XRCC5: variants seen among roughly 807,000 people sequenced by gnomAD.
The protein encoded by XRCC5 is X-ray repair cross complementing 5, also known as DNA repair protein Ku80.
In XRCC5, 12 loss-of-function variants were observed where a neutral mutation model predicts 95.7. That is an observed-to-expected ratio of 0.13 (90% CI 0.08 to 0.20). The LOEUF is 0.20. Ranked by LOEUF, XRCC5 falls within the 10% of genes least tolerant of loss-of-function variation. The pLI, the probability that XRCC5 is intolerant of heterozygous loss-of-function variation, is 1.00. For synonymous variants in XRCC5, 281 were observed against 290.3 expected (o/e 0.97, Z 0.33); for missense variants, 595 against 873.9 (o/e 0.68, Z 4.02).
chr2:216,198,457 G>A (rs1314735961), intron 19 of XRCC5, among the ~76,000 whole-genome samples: 1 of 152,154 alleles, frequency 6.6e-6, no homozygotes, highest in Non-Finnish European at 1.5e-5. Flanking sequence ...TTATGCTTTT[G>A]TGTCTGCTTT....
chr2:216,187,404 G>A (rs1312692182), intron 16 of XRCC5, among the ~76,000 whole-genome samples: 1 of 150,534 alleles, frequency 6.6e-6, no homozygotes, highest in Non-Finnish European at 1.5e-5. Flanking sequence ...CGTTGCAAAT[G>A]GATTGTTGGC....
At chr2:216,187,821 A>ACACACACACTCTCT (rs1312215177) in intron 16 of XRCC5, among the ~76,000 whole-genome samples, 3 of 47,950 alleles carry the variant, frequency 6.3e-5, no homozygotes, top group African/African-American at 2.0e-4. Context: ...ACACACACAC[A>ACACACACACTCTCT]CTCTCTCTCT....
At position 216,122,403 on chromosome 2, in the gene XRCC5, C is replaced by A. The variant is rs55871484; in HGVS notation, c.683+150C>A. ...TGAGTTTTATTAAAGAAATAGTACA[C>A]CCACCCTTAATCACCCTTTTTAAAG... On this transcript the variant is annotated intron_variant, in intron 6 of 20. Transcript: ENST00000392132. The A allele has an allele frequency of 6.1e-4, 444 of 724,342 alleles. 2 individuals are homozygous for A. In the African/African-American group the frequency reaches 6.9e-3, roughly 11 times the overall value. The allele number at this position is 724,342 out of a possible 1,614,324, so 44.9% of individuals were successfully genotyped here. A position where few individuals can be genotyped will look rare whatever the true frequency, so the allele number is the denominator to read the frequency against.
At chr2:216,183,600 G>A (rs1689433356) in intron 16 of XRCC5, among the ~76,000 whole-genome samples, 1 of 152,146 alleles carries the variant, frequency 6.6e-6, no homozygotes, top group Admixed American at 6.5e-5. Context: ...TGTGCCACTG[G>A]TCATGCATAA....
At chr2:216,173,080 A>G (rs1419884410) in intron 16 of XRCC5, among the ~76,000 whole-genome samples, 1 of 152,104 alleles carries the variant, frequency 6.6e-6, no homozygotes, top group East Asian at 1.9e-4. Context: ...TATTTATTAT[A>G]TCTTGCAACC....
At position 216,139,177 on chromosome 2, in the gene XRCC5, T is replaced by G. The variant is rs1697135502; in HGVS notation, c.1342+998T>G. ...TTATTTATTTATTTGAGACAGGGTC[T>G]CACTCTGTCACCTGGCTGGAGTGCA... On this transcript the variant is annotated intron_variant, in intron 12 of 20. Coordinates refer to ENST00000392132, the MANE Select transcript of XRCC5 (RefSeq NM_021141.4). 4.6e-5 allele frequency among the ~76,000 whole-genome samples: 7 copies of G among 152,206 alleles called. No individual in the cohort carries two copies. In the South Asian group the frequency reaches 1.5e-3, roughly 32 times the overall value.
At chr2:216,164,272 G>A (rs913161532) in intron 16 of XRCC5, among the ~76,000 whole-genome samples, 1 of 152,314 alleles carries the variant, frequency 6.6e-6, no homozygotes, top group African/African-American at 2.4e-5. Context: ...AAGGTCCCCC[G>A]TTTGGAAGTG....
rs747761578 is a variant in XRCC5 at position 216,131,005 on chromosome 2, CTAAA to C, written c.1050+20_1050+23del. 1.9e-6 allele frequency: 3 copies of C among 1,578,236 alleles called. No homozygotes were observed. The highest frequency in any genetic ancestry group is 1.7e-6 in the Non-Finnish European group (2 of 1,152,066). On this transcript the variant is annotated intron_variant, in intron 9 of 20. Coordinates refer to ENST00000392132, the MANE Select transcript of XRCC5 (RefSeq NM_021141.4). ...CTTCTCAGGTATGATTGTGAACAAA[CTAAA>C]TGAGCTTTTTCCTAGCTGTTATTTG...
chr2:216,184,213 C>T (rs1002629842), intron 16 of XRCC5, among the ~76,000 whole-genome samples: 6 of 152,094 alleles, frequency 3.9e-5, no homozygotes, highest in Admixed American at 6.6e-5. Context: ...ATGGTCCACA[C>T]GGTTGCATGT....
intron 19 of XRCC5, among the ~76,000 whole-genome samples, chr2:216,197,078 C>T (rs1365644810): frequency 6.6e-6 from 1 of 152,204 alleles, no homozygotes; most frequent in Non-Finnish European, 1.5e-5. Flanking sequence ...CAAAGATGTT[C>T]CAGCTAAGTT....
chr2:216,163,212 A>G (rs960082701), intron 16 of XRCC5, among the ~76,000 whole-genome samples: 1 of 150,960 alleles, frequency 6.6e-6, no homozygotes, highest in Non-Finnish European at 1.5e-5. Context: ...ATAGCTCACT[A>G]TAACGTTGGA....
At chr2:216,175,150 T>C (rs1054947952) in intron 16 of XRCC5, 4 of 340,756 alleles carry the variant, frequency 1.2e-5, no homozygotes, top group Non-Finnish European at 2.3e-5. Context: ...GTGGTTTTCA[T>C]ATCCTGGTTC....
intron 12 of XRCC5, 50 bp from the exon 13 acceptor site, chr2:216,141,136 A>G (rs995165703): frequency 6.2e-7 from 1 of 1,606,352 alleles, no homozygotes; most frequent in Non-Finnish European, 8.5e-7. Context: ...CATTTGTTTT[A>G]GTGGAGAATA....
intron 16 of XRCC5, among the ~76,000 whole-genome samples, chr2:216,167,641 G>A (rs1335975474): frequency 6.7e-6 from 1 of 148,424 alleles, no homozygotes; most frequent in Non-Finnish European, 1.5e-5. Flanking sequence ...CCTGATTCAT[G>A]TAATCTTGGG....
Position 216,204,169 on chromosome 2 carries a change from C to T in XRCC5, c.2110-153C>T, listed in dbSNP as rs554372604. On this transcript the variant is annotated intron_variant, in intron 19 of 20. Coordinates refer to ENST00000392132, the MANE Select transcript of XRCC5 (RefSeq NM_021141.4). ...TCTCACCCAAAGCCAAATGAAGTAGCGTATGCCAGGATGATGTTTCTTTTG... is the reference window on the plus strand; with the variant it reads ...TCTCACCCAAAGCCAAATGAAGTAGTGTATGCCAGGATGATGTTTCTTTTG... 1.1e-4 allele frequency: 90 copies of T among 807,184 alleles called. 1 individual carries two copies. Among genetic ancestry groups the T allele is most frequent in the South Asian group, 5.5e-4 (34 of 61,402 alleles). 50.0% of individuals were successfully genotyped at this position (807,184 alleles called of 1,614,324 possible).
chr2:216,115,847 G>A (rs1164530824), intron 2 of XRCC5, among the ~76,000 whole-genome samples: 3 of 151,372 alleles, frequency 2.0e-5, no homozygotes, highest in African/African-American at 7.3e-5. Context: ...TAAACCTGGA[G>A]GCCCTTCCTT....
chr2:216,142,472 C>T (rs994433878), intron 13 of XRCC5, among the ~76,000 whole-genome samples: 6 of 152,034 alleles, frequency 3.9e-5, no homozygotes, highest in African/African-American at 1.4e-4. Context: ...GGGAAGTTGA[C>T]AAGAGAGCTG....
chr2:216,197,448 GAAAAAAA>G (rs369842827), intron 19 of XRCC5, among the ~76,000 whole-genome samples: 3 of 110,332 alleles, frequency 2.7e-5, no homozygotes, highest in South Asian at 6.6e-4. Context: ...TCTGTCCCAG[GAAAAAAA>G]AAAAAAAAAA....
chr2:216,137,000 A>C (rs1016446115), intron 10 of XRCC5, 88 bp from the exon 11 acceptor site: 1 of 1,434,538 alleles, frequency 7.0e-7, no homozygotes, highest in African/African-American at 1.4e-5. Context: ...AAATAGAAAG[A>C]AAGTGATAAC....
Sources: gnomAD v4.1 joint callset for allele counts (sites outside exome capture counted in the v4.1 genomes callset) on GRCh38, gnomAD v4.1.1 for gene constraint, MANE v1.5 for transcripts, NCBI Gene and HGNC (gene_info 2026-07-23, HGNC 2026-07-21) for gene names.